The following NKAIN3 variants were observed in gnomAD, a reference collection of about 807,000 sequenced individuals.
NKAIN3 encodes the protein sodium/potassium-transporting ATPase subunit beta-1-interacting protein 3.
Under a neutral mutation model 30.2 loss-of-function variants are expected in NKAIN3, and 25 were observed. The ratio of observed to expected loss-of-function variants is 0.83; its 90% CI spans 0.60 to 1.16. The LOEUF is 1.16. Ranked by LOEUF, NKAIN3 falls within the 50% of genes most tolerant of loss-of-function variation. The probability of loss-of-function intolerance (pLI) is 0.00; values close to 1 mark genes in which losing one functional copy is unlikely to be tolerated. For synonymous variants in NKAIN3, 91 were observed against 89.6 expected, an observed-to-expected ratio of 1.02 and a Z score of -0.09; for missense variants, 225 against 254.1, an observed-to-expected ratio of 0.89 and a Z score of 0.78.
At chr8:62,886,480 G>A (rs557263535) in intron 4 of NKAIN3, among the ~76,000 whole-genome samples, 1 of 151,762 alleles carries the variant, frequency 6.6e-6, no homozygotes, top group Non-Finnish European at 1.5e-5. Context: ...TCTTTATGTG[G>A]ATACAAGTTT....
chr8:62,256,658 G>A (rs1161189967), intron 1 of NKAIN3, among the ~76,000 whole-genome samples: 1 of 152,112 alleles, frequency 6.6e-6, no homozygotes, highest in Non-Finnish European at 1.5e-5. Flanking sequence ...CTTTTAGGTC[G>A]TAGGCTGGGT....
chr8:62,511,484 T>C (rs540539572), intron 1 of NKAIN3, among the ~76,000 whole-genome samples: 11 of 152,320 alleles, frequency 7.2e-5, no homozygotes, highest in Admixed American at 3.9e-4. Flanking sequence ...TTGTGCTTTA[T>C]GTGGTAGCAA....
intron 6 of NKAIN3, among the ~76,000 whole-genome samples, chr8:62,961,419 T>C (rs1186481119): frequency 1.3e-5 from 2 of 151,944 alleles, no homozygotes; most frequent in African/African-American, 4.8e-5. Flanking sequence ...AATACAAGAA[T>C]AGTTAAATCT....
intron 4 of NKAIN3, among the ~76,000 whole-genome samples, chr8:62,807,755 G>C (rs1323618989): frequency 6.8e-6 from 1 of 148,038 alleles, no homozygotes; most frequent in Non-Finnish European, 1.5e-5. Flanking sequence ...GTTTCACCAT[G>C]GTGGCCAGGA....
chr8:62,875,424 C>T (rs75622411), intron 4 of NKAIN3, among the ~76,000 whole-genome samples: 1 of 152,058 alleles, frequency 6.6e-6, no homozygotes, highest in Non-Finnish European at 1.5e-5. Flanking sequence ...AGATTCAATG[C>T]CATTCCCATC....
intron 1 of NKAIN3, among the ~76,000 whole-genome samples, chr8:62,433,511 T>C (rs1232521604): frequency 1.3e-5 from 2 of 152,266 alleles, no homozygotes; most frequent in African/African-American, 2.4e-5. Flanking sequence ...TTGCATTTTA[T>C]AGTGATTTCT....
chr8:62,432,639 G>T (rs1381444791), intron 1 of NKAIN3, among the ~76,000 whole-genome samples: 1 of 152,058 alleles, frequency 6.6e-6, no homozygotes, highest in Non-Finnish European at 1.5e-5. Context: ...AGTGTAATGT[G>T]CTATGGAAGA....
intron 3 of NKAIN3, among the ~76,000 whole-genome samples, chr8:62,688,741 GACACACACACACACAC>G (rs375008096): frequency 6.9e-5 from 8 of 116,392 alleles, no homozygotes; most frequent in Non-Finnish European, 1.6e-4. Context: ...CAGACAGACA[GACACACACACACACAC>G]ACACACACAC....
At chr8:62,574,565 A>T (rs1349241355) in intron 1 of NKAIN3, among the ~76,000 whole-genome samples, 3 of 152,176 alleles carry the variant, frequency 2.0e-5, no homozygotes, top group Non-Finnish European at 2.9e-5. Flanking sequence ...TGGCACTGGC[A>T]TAAAAACAGA....
chr8:62,498,091 G>A (rs1192734916), intron 1 of NKAIN3, among the ~76,000 whole-genome samples: 6 of 152,108 alleles, frequency 3.9e-5, no homozygotes, highest in African/African-American at 1.4e-4. Flanking sequence ...GAGGAAGACG[G>A]TAATCGTCAA....
intron 1 of NKAIN3, among the ~76,000 whole-genome samples, chr8:62,304,445 C>T (rs540616330): frequency 6.7e-6 from 1 of 150,246 alleles, no homozygotes; most frequent in African/African-American, 2.5e-5. Flanking sequence ...GTAATCAGCA[C>T]AAAATTATTA....
chr8:62,620,317 C>T (rs1214518406), intron 3 of NKAIN3, among the ~76,000 whole-genome samples: 1 of 152,008 alleles, frequency 6.6e-6, no homozygotes, highest in Non-Finnish European at 1.5e-5. Context: ...GTCAGAAAGC[C>T]CTTCCTAGGT....
chr8:62,881,638 A>T (rs1820985741), intron 4 of NKAIN3, among the ~76,000 whole-genome samples: 1 of 152,202 alleles, frequency 6.6e-6, no homozygotes, highest in African/African-American at 2.4e-5. Context: ...CATTCACCTG[A>T]TGAAGGACAT....
At chr8:62,610,976 G>A (rs1037956754) in intron 3 of NKAIN3, among the ~76,000 whole-genome samples, 1 of 151,936 alleles carries the variant, frequency 6.6e-6, no homozygotes, top group Non-Finnish European at 1.5e-5. Flanking sequence ...AAAACTCTTG[G>A]CATAATAGTT....
At chr8:62,801,279 C>T (rs576436749) in intron 4 of NKAIN3, among the ~76,000 whole-genome samples, 75 of 152,294 alleles carry the variant, frequency 4.9e-4, no homozygotes, top group African/African-American at 9.1e-4. Flanking sequence ...TCTCCCAGCA[C>T]GCAGCTGGAG....
chr8:62,534,950 C>A lies in NKAIN3; in HGVS notation c.55-44589C>A, dbSNP rs190074329. Among the ~76,000 whole-genome samples the A allele has an allele frequency of 1.3e-3, 194 of 149,008 alleles. 1 individual carries two copies. The highest frequency in any genetic ancestry group is 4.7e-3 in the African/African-American group (192 of 40,482). The stretch of plus-strand genomic sequence containing the variant: ...TGTTCATGAGCAGCTTCCTGTGAAA[C>A]ACAACTAGACAAATAACTCTATCCA... On this transcript the variant is annotated intron_variant, in intron 1 of 6. Transcript: ENST00000623646.
intron 4 of NKAIN3, among the ~76,000 whole-genome samples, chr8:62,908,297 C>T (rs1408623469): frequency 6.6e-6 from 1 of 152,196 alleles, no homozygotes; most frequent in Non-Finnish European, 1.5e-5. Flanking sequence ...TTTGATTTTA[C>T]AGGCTCATAG....
chr8:62,650,981 CTTTTG>C (rs749917129), intron 3 of NKAIN3, among the ~76,000 whole-genome samples: 8 of 151,752 alleles, frequency 5.3e-5, no homozygotes, highest in Non-Finnish European at 7.4e-5. Flanking sequence ...AACAAGAATT[CTTTTG>C]TTTTGTTTTT....
intron 1 of NKAIN3, among the ~76,000 whole-genome samples, chr8:62,476,733 G>A (rs888141034): frequency 3.3e-5 from 5 of 152,120 alleles, no homozygotes; most frequent in African/African-American, 1.2e-4. Context: ...GGGATTACAG[G>A]CGTGAGCTAC....
Sources: gnomAD v4.1 joint callset for allele counts (sites outside exome capture counted in the v4.1 genomes callset) on GRCh38, gnomAD v4.1.1 for gene constraint, MANE v1.5 for transcripts, NCBI Gene and HGNC (gene_info 2026-07-23, HGNC 2026-07-21) for gene names.